The following CPNE4 variants were observed in gnomAD, a reference collection of about 807,000 sequenced individuals.
CPNE4 encodes the protein copine 4.
A neutral mutation model predicts 67.9 loss-of-function variants in CPNE4; 25 were observed. The ratio of observed to expected loss-of-function variants is 0.37; its 90% CI spans 0.27 to 0.51. The LOEUF (loss-of-function observed/expected upper bound fraction) is 0.51. Among genes scored for constraint, CPNE4 ranks in the 20% least tolerant of loss-of-function variants. The pLI is 0.93. For missense variants in CPNE4, 464 were observed against 690.8 expected (o/e 0.67, Z 3.68); for synonymous variants, 242 against 244.9 (o/e 0.99, Z 0.11).
chr3:131,734,287 G>T (rs1184948568), intron 2 of CPNE4, among the ~76,000 whole-genome samples: 1 of 152,086 alleles, frequency 6.6e-6, no homozygotes, highest in African/African-American at 2.4e-5. Flanking sequence ...CCATGAAAAA[G>T]GTAGGATTGT....
intron 2 of CPNE4, among the ~76,000 whole-genome samples, chr3:131,817,280 C>T (rs935813025): frequency 2.2e-4 from 33 of 151,944 alleles, no homozygotes; most frequent in Non-Finnish European, 4.3e-4. Flanking sequence ...GGCTTTATTG[C>T]GAAGGTAAGG....
intron 2 of CPNE4, among the ~76,000 whole-genome samples, chr3:131,889,393 A>G (rs925984988): frequency 1.3e-5 from 2 of 152,230 alleles, no homozygotes; most frequent in Non-Finnish European, 2.9e-5. Context: ...CCAAGGTCAC[A>G]CAGTTAACCT....
At chr3:131,997,048 G>T (rs2073312661) in intron 1 of CPNE4, among the ~76,000 whole-genome samples, 1 of 151,948 alleles carries the variant, frequency 6.6e-6, no homozygotes, top group South Asian at 2.1e-4. Context: ...ATTATTACTG[G>T]AAACACCTCC....
chr3:131,815,180 T>A (rs10934981), intron 2 of CPNE4, among the ~76,000 whole-genome samples: 1 of 152,104 alleles, frequency 6.6e-6, no homozygotes, highest in African/African-American at 2.4e-5. Flanking sequence ...TTATTTAGCA[T>A]GCAAATCAGA....
intron 1 of CPNE4, among the ~76,000 whole-genome samples, chr3:132,001,593 A>G (rs1222670113): frequency 6.6e-6 from 1 of 151,190 alleles, no homozygotes; most frequent in Non-Finnish European, 1.5e-5. Context: ...GAAAGAAAGA[A>G]AGAAAGAAAG....
intron 1 of CPNE4, among the ~76,000 whole-genome samples, chr3:131,955,410 G>GTTTTTTTGTTTTTTTTTT (rs1553814124): frequency 8.5e-4 from 36 of 42,270 alleles, no homozygotes; most frequent in Non-Finnish European, 1.3e-3. Context: ...TGTATGTAAG[G>GTTTTTTTGTTTTTTTTTT]TTTTTTTTTT....
chr3:131,743,651 C>T (rs1236878880), intron 2 of CPNE4, among the ~76,000 whole-genome samples: 1 of 151,928 alleles, frequency 6.6e-6, no homozygotes, highest in African/African-American at 2.4e-5. Flanking sequence ...TACATTAAAA[C>T]AGGGAAACAC....
intron 9 of CPNE4, among the ~76,000 whole-genome samples, chr3:131,581,300 A>G (rs534663779): frequency 6.6e-6 from 1 of 152,226 alleles, no homozygotes; most frequent in African/African-American, 2.4e-5. Flanking sequence ...TCCCTCTAGC[A>G]CTGCTCTGGG....
intron 2 of CPNE4, among the ~76,000 whole-genome samples, chr3:131,866,685 T>C (rs1019507789): frequency 1.5e-4 from 23 of 152,284 alleles, no homozygotes; most frequent in African/African-American, 5.5e-4. Flanking sequence ...GCACTAGAAA[T>C]TTCTGCTACA....
chr3:131,642,764 A>G (rs1027944915), intron 7 of CPNE4, among the ~76,000 whole-genome samples: 14 of 152,090 alleles, frequency 9.2e-5, no homozygotes, highest in Non-Finnish European at 2.1e-4. Flanking sequence ...GAGGAAGGAC[A>G]TGCTTGCTTC....
chr3:131,812,220 GAAAA>G (rs34281349), intron 2 of CPNE4, among the ~76,000 whole-genome samples: 3 of 135,112 alleles, frequency 2.2e-5, no homozygotes, highest in African/African-American at 8.3e-5. Context: ...AAAATTGGAA[GAAAA>G]AAAAAAAAAA....
Position 131,650,561 on chromosome 3 carries a change from C to T in CPNE4, c.681+19114G>A, listed in dbSNP as rs1481835571. On this transcript the variant is annotated intron_variant, in intron 7 of 15. Coordinates refer to ENST00000429747, the MANE Select transcript of CPNE4 (RefSeq NM_130808.3). ...TCACAAGGTCGGGAGATCGAGACCACGGTGAAACCCCGTCTCTACTAAAAA... is the reference window on the plus strand; with the variant it reads ...TCACAAGGTCGGGAGATCGAGACCATGGTGAAACCCCGTCTCTACTAAAAA... 3.5e-5 allele frequency among the ~76,000 whole-genome samples: 5 copies of T among 142,428 alleles called. No individual in the cohort carries two copies. The East Asian group carries it at 5.9e-4, about 17-fold the overall frequency. The allele number at this position is 142,428 out of a possible 152,430, so 93.4% of individuals were successfully genotyped here.
chr3:131,991,372 T>C (rs938932858), intron 1 of CPNE4, among the ~76,000 whole-genome samples: 1 of 136,358 alleles, frequency 7.3e-6, no homozygotes, highest in African/African-American at 2.5e-5. Context: ...GATAATGATA[T>C]GGACAATGAA....
At chr3:132,026,879 G>GT in intron 1 of CPNE4, among the ~76,000 whole-genome samples, 1 of 76,164 alleles carries the variant, frequency 1.3e-5, no homozygotes, top group Non-Finnish European at 3.1e-5. Flanking sequence ...TGAGGAAATA[G>GT]GGACAGGTTT....
At chr3:131,665,250 C>T (rs1484182433) in intron 7 of CPNE4, among the ~76,000 whole-genome samples, 3 of 151,896 alleles carry the variant, frequency 2.0e-5, no homozygotes, top group African/African-American at 7.3e-5. Flanking sequence ...GAATTTTCTA[C>T]TATGTTCATG....
chr3:131,550,131 T>C, intron 13 of CPNE4, 51 bp from the exon 14 acceptor site: 2 of 1,594,094 alleles, frequency 1.3e-6, no homozygotes, highest in Non-Finnish European at 8.6e-7. Flanking sequence ...TCCAAATATA[T>C]TTATAGCCAA....
intron 10 of CPNE4, among the ~76,000 whole-genome samples, chr3:131,567,437 A>T (rs1418748074): frequency 6.6e-6 from 1 of 151,988 alleles, no homozygotes; most frequent in African/African-American, 2.4e-5. Flanking sequence ...AGAGCTGGAG[A>T]TGGGGTGAGG....
At chr3:131,566,021 C>A (rs6778122) in intron 10 of CPNE4, among the ~76,000 whole-genome samples, 4 of 151,758 alleles carry the variant, frequency 2.6e-5, no homozygotes, top group African/African-American at 9.7e-5. Flanking sequence ...CATAGGGTAA[C>A]AGGGCTTGGA....
At chr3:131,649,423 G>C (rs1017855142) in intron 7 of CPNE4, among the ~76,000 whole-genome samples, 1 of 152,146 alleles carries the variant, frequency 6.6e-6, no homozygotes, top group Non-Finnish European at 1.5e-5. Flanking sequence ...TTCCTATTAC[G>C]AGAGGCACCA....
Sources: gnomAD v4.1 joint callset for allele counts (sites outside exome capture counted in the v4.1 genomes callset) on GRCh38, gnomAD v4.1.1 for gene constraint, MANE v1.5 for transcripts, NCBI Gene and HGNC (gene_info 2026-07-23, HGNC 2026-07-21) for gene names.